Variants in IRAK1BP1 observed in about 807,000 individuals in gnomAD.
IRAK1BP1 encodes interleukin 1 receptor associated kinase 1 binding protein 1.
IRAK1BP1 carries 24 observed loss-of-function variants against 28.0 expected under a neutral mutation model. That is an observed-to-expected ratio of 0.86 (90% confidence interval 0.62 to 1.20). The LOEUF is 1.20. IRAK1BP1 is among the 50% of genes most tolerant of loss of function. The pLI is 0.00. For missense variants in IRAK1BP1, 336 were observed against 316.7 expected (o/e 1.06, Z -0.46); for synonymous variants, 131 against 116.3 (o/e 1.13, Z -0.81).
chr6:78,893,139 A>G (rs1047225594), intron 2 of IRAK1BP1, among the ~76,000 whole-genome samples: 5 of 151,784 alleles, frequency 3.3e-5, no homozygotes, highest in African/African-American at 1.2e-4. Flanking sequence ...AACCAGTGAT[A>G]AATCTTAAAA....
At chr6:78,965,942 T>C in the IRAK1BP1 span, 1 of 1,584,696 alleles carries the variant, frequency 6.3e-7, no homozygotes, top group Non-Finnish European at 8.7e-7. Flanking sequence ...AATATTTCCT[T>C]ACCAAACATT....
chr6:78,874,989 A>G (rs891770198), intron 1 of IRAK1BP1, among the ~76,000 whole-genome samples: 5 of 152,320 alleles, frequency 3.3e-5, no homozygotes, highest in East Asian at 1.9e-4. Flanking sequence ...TTTGCAAACT[A>G]TGCATCTGAC....
In IRAK1BP1 at chr6:78,881,648, C is replaced by G. The variant is rs138160211; in HGVS notation, c.316-3730C>G. On this transcript the variant is annotated intron_variant, in intron 1 of 3. Coordinates refer to ENST00000369940, the MANE Select transcript of IRAK1BP1 (RefSeq NM_001010844.4). ...GTGCTTAAGGTGATAGGGGCAGGGA[C>G]TGTCCTAAATTACTGGAAAATGGTG... Among the ~76,000 whole-genome samples the G allele has an allele frequency of 7.8e-4, 118 of 152,192 alleles. 1 individual carries two copies. The South Asian group carries it at 8.1e-3, about 10-fold the overall frequency.
At chr6:78,961,043 T>C in the IRAK1BP1 span, among the ~76,000 whole-genome samples, 1 of 152,088 alleles carries the variant, frequency 6.6e-6, no homozygotes, top group South Asian at 2.1e-4. Flanking sequence ...TTCCATTATT[T>C]AAAAACTATA....
At chr6:78,955,493 T>A in the IRAK1BP1 span, 229,548 of 502,222 alleles carry the variant, frequency 0.46, 49,592 homozygotes, top group East Asian at 0.62. Context: ...TTTTTTTTTT[T>A]AAATTAACTA....
chr6:78,940,896 C>G lies in IRAK1BP1; in HGVS notation c.*68-4512C>G, dbSNP rs563243550. The G allele has an allele frequency of 3.5e-5, 56 of 1,613,674 alleles. No homozygotes were observed. In the African/African-American group the frequency reaches 6.7e-4, roughly 19 times the overall value. The stretch of plus-strand genomic sequence containing the variant: ...TCAGAGCCTTTGAGTTCTTCAAACT[C>G]TTCTTCCTCATCTATAGGATCATCT... On this transcript the variant is annotated intron_variant and NMD_transcript_variant, in intron 4 of 4. Transcript: ENST00000606868.
intron 1 of IRAK1BP1, among the ~76,000 whole-genome samples, chr6:78,875,178 T>C (rs1041894866): frequency 1.3e-5 from 2 of 152,006 alleles, no homozygotes; most frequent in Non-Finnish European, 2.9e-5. Flanking sequence ...AAAACCACAG[T>C]GAAATACCGT....
At chr6:78,908,033 T>A (rs942208705), downstream of IRAK1BP1, among the ~76,000 whole-genome samples, 8 of 127,228 alleles carry the variant, frequency 6.3e-5, no homozygotes, top group African/African-American at 2.7e-4. Flanking sequence ...TTTTTTATTT[T>A]ATTTATTTAT....
At chr6:78,977,027 T>C in the IRAK1BP1 span, among the ~76,000 whole-genome samples, 33 of 112,652 alleles carry the variant, frequency 2.9e-4, no homozygotes, top group Non-Finnish European at 4.8e-4. Flanking sequence ...CATTACTGGG[T>C]ATATACCCAA....
chr6:78,911,902 G>A (rs1023245067), intron 4 of IRAK1BP1, among the ~76,000 whole-genome samples: 2 of 152,108 alleles, frequency 1.3e-5, no homozygotes, highest in African/African-American at 2.4e-5. Context: ...TGTTGTTGTT[G>A]GTTTTTGTCT....
downstream of IRAK1BP1, among the ~76,000 whole-genome samples, chr6:78,948,362 A>T (rs2127684178): frequency 6.6e-6 from 1 of 152,320 alleles, no homozygotes; most frequent in South Asian, 2.1e-4. Flanking sequence ...TAGAGTATAA[A>T]ATTAGGTAAC....
rs9343846 is a variant in IRAK1BP1, at chr6:78,902,412, T to C, written c.*4078T>C. ...CTTCCCAGAGTGCTGGACTACAGGC[T>C]TGAGCCACTGCACCCAGCCCCAAAT... On this transcript the variant is annotated 3_prime_UTR_variant, in exon 4 of 4. Transcript: ENST00000369940. The C allele has an allele frequency of 6.5e-6, 1 of 152,814 alleles. No homozygotes were observed. Among genetic ancestry groups the C allele is most frequent in the African/African-American group, 2.4e-5 (1 of 41,396 alleles). 9.5% of individuals were successfully genotyped at this position (152,814 alleles called of 1,614,324 possible).
At chr6:78,973,835 A>G in the IRAK1BP1 span, among the ~76,000 whole-genome samples, 2 of 151,868 alleles carry the variant, frequency 1.3e-5, no homozygotes, top group Non-Finnish European at 2.9e-5. Context: ...ACTATCCTAA[A>G]TATATATGCA....
chr6:78,894,484 C>A (rs1384934066), intron 2 of IRAK1BP1, among the ~76,000 whole-genome samples: 1 of 151,812 alleles, frequency 6.6e-6, no homozygotes, highest in Non-Finnish European at 1.5e-5. Flanking sequence ...TAAAGACAGT[C>A]ATTTCATAAT....
intron 4 of IRAK1BP1, among the ~76,000 whole-genome samples, chr6:78,910,636 G>A (rs1471756514): frequency 3.3e-5 from 5 of 152,262 alleles, no homozygotes; most frequent in African/African-American, 1.2e-4. Flanking sequence ...CGCATTCTCG[G>A]CGCGGAGGGC....
intron 1 of IRAK1BP1, among the ~76,000 whole-genome samples, chr6:78,871,100 T>A (rs1222037746): frequency 1.3e-5 from 2 of 151,972 alleles, no homozygotes; most frequent in Non-Finnish European, 2.9e-5. Context: ...ACAACAGAAA[T>A]GTGTATCTTA....
intron 4 of IRAK1BP1, among the ~76,000 whole-genome samples, chr6:78,923,635 A>G (rs1772804059): frequency 6.6e-6 from 1 of 152,136 alleles, no homozygotes; most frequent in South Asian, 2.1e-4. Flanking sequence ...GCACCACACC[A>G]CACCTATTCC....
intron 4 of IRAK1BP1, among the ~76,000 whole-genome samples, chr6:78,917,437 A>C (rs1772590378): frequency 6.6e-6 from 1 of 152,072 alleles, no homozygotes; most frequent in Admixed American, 6.5e-5. Context: ...AACCAAACCT[A>C]CAAATTGTTG....
At chr6:78,873,823 T>C (rs1770887271) in intron 1 of IRAK1BP1, among the ~76,000 whole-genome samples, 1 of 152,234 alleles carries the variant, frequency 6.6e-6, no homozygotes, top group Non-Finnish European at 1.5e-5. Context: ...CTTTGTAGTA[T>C]ATTAGATATG....
Sources: gnomAD v4.1 joint callset for allele counts (sites outside exome capture counted in the v4.1 genomes callset) on GRCh38, gnomAD v4.1.1 for gene constraint, MANE v1.5 for transcripts, NCBI Gene and HGNC (gene_info 2026-07-23, HGNC 2026-07-21) for gene names.